IGSF9: variants seen among roughly 807,000 people sequenced by gnomAD.
The protein encoded by IGSF9 is immunoglobulin superfamily member 9.
In IGSF9, 87 loss-of-function variants were observed where a neutral mutation model predicts 121.7. The ratio of observed to expected loss-of-function variants is 0.71; its 90% CI spans 0.60 to 0.85. The LOEUF is 0.85. Among genes scored for constraint, IGSF9 ranks in the 40% least tolerant of loss-of-function variants. IGSF9 has a pLI of 0.00. For missense variants in IGSF9, 1,462 were observed against 1,565.3 expected (o/e 0.93, Z 1.11); for synonymous variants, 640 against 648.4 (o/e 0.99, Z 0.20).
chr1:159,944,815 G>T (rs1651531397), intron 1 of IGSF9, among the ~76,000 whole-genome samples: 1 of 152,098 alleles, frequency 6.6e-6, no homozygotes, highest in Non-Finnish European at 1.5e-5. Context: ...TAATGATCCT[G>T]TATGTCTAAC....
At chr1:159,934,353 G>A (rs1257427636) in intron 8 of IGSF9, 21 bp from the exon 9 acceptor site, 1 of 1,576,238 alleles carries the variant, frequency 6.3e-7, no homozygotes, top group Admixed American at 1.9e-5. Context: ...GTAGTGGCAA[G>A]TTGGGGGAGA....
intron 2 of IGSF9, 123 bp from the exon 3 acceptor site, chr1:159,943,274 C>A: frequency 7.6e-7 from 1 of 1,323,332 alleles, no homozygotes; most frequent in South Asian, 1.5e-5. Context: ...CCCAGTTCAG[C>A]TTCTCCAGAA....
rs374371774 is a variant in IGSF9 at position 159,934,149 on chromosome 1, C to T, written c.1104+41G>A. The T allele has an allele frequency of 3.3e-5, 53 of 1,582,614 alleles. No individual in the cohort carries two copies. In the South Asian group the frequency reaches 4.9e-4, roughly 15 times the overall value. On this transcript the variant is annotated intron_variant, in intron 9 of 20. Transcript: ENST00000368094. ...CACCCTGCTGTCCTGAGCAGAATAA[C>T]GCCAAGCTAAGACCCTCCTTCCCCT...
chr1:159,934,271 C>G lies in IGSF9; in HGVS notation c.1023G>C (p.Val341=). 6.2e-7 allele frequency: 1 copy of G among 1,613,506 alleles called. No homozygotes were observed. Among genetic ancestry groups the G allele is most frequent in the African/African-American group, 1.3e-5 (1 of 75,048 alleles). Residue 341 remains valine (V), a synonymous_variant, in exon 9 of 21, where the codon GTG becomes GTC. Coordinates refer to ENST00000368094, the MANE Select transcript of IGSF9 (RefSeq NM_001135050.2). The stretch of plus-strand genomic sequence containing the variant: ...GGTTGGCACGAACCGGGCAGCGGAT[C>G]ACCCCCGGCATGCCTATGGGCAGGG... ...ETPLPIGMPG[V]IRCPVRANPP...
Position 159,932,610 on chromosome 1 carries a change from C to A in IGSF9, c.1147G>T (p.Ala383Ser), listed in dbSNP as rs527258901. 1 of 1,613,732 alleles carries A rather than the reference C, an allele frequency of 6.2e-7. No individual in the cohort carries two copies. Among genetic ancestry groups the A allele is most frequent in the African/African-American group, 1.3e-5 (1 of 74,880 alleles). The change falls in exon 10 of 21, where the codon GCC becomes TCC. Residue 383 changes from alanine to serine, a missense_variant. Ala to Ser is a moderately conservative substitution (Grantham distance 99). Coordinates refer to ENST00000368094, the MANE Select transcript of IGSF9 (RefSeq NM_001135050.2). The surrounding 1 kb of genome is among the most constrained non-coding windows in gnomAD (Gnocchi z 4.1). ...CCCAGGGCATCCTCGTTCCCCAGGGCGATGATCAGTGAGCCTTCTGTGCCC... is the reference window on the plus strand; with the variant it reads ...CCCAGGGCATCCTCGTTCCCCAGGGAGATGATCAGTGAGCCTTCTGTGCCC... Reference protein sequence around the residue: ...SQGTEGSLIIALGNEDALGEY... With the variant: ...SQGTEGSLIISLGNEDALGEY...
rs771632078 is a variant in IGSF9 at position 159,931,229 on chromosome 1, C to T, written c.1546G>A (p.Val516Met). ...TSPHVVTNVSVVALPKGANVS... is the reference protein window; with the variant it reads ...TSPHVVTNVSMVALPKGANVS... Reference sequence around the variant, plus strand: ...TTGGCACCCTTGGGCAAAGCCACCACGGACACATTGGTGACAACATGAGGG... The same window carrying T: ...TTGGCACCCTTGGGCAAAGCCACCATGGACACATTGGTGACAACATGAGGG... The change falls in exon 13 of 21, where the codon GTG becomes ATG. Residue 516 changes from valine to methionine, a missense_variant. Coordinates refer to ENST00000368094, the MANE Select transcript of IGSF9 (RefSeq NM_001135050.2). This position sits in a 1 kb window ranked among gnomAD's most constrained non-coding sequence, Gnocchi z 4.8. The T allele has an allele frequency of 9.9e-6, 16 of 1,613,996 alleles. No individual in the cohort carries two copies. The Admixed American group carries it at 1.5e-4, about 15-fold the overall frequency.
intron 1 of IGSF9, among the ~76,000 whole-genome samples, chr1:159,945,198 C>T (rs1021131759): frequency 1.3e-5 from 2 of 151,860 alleles, no homozygotes; most frequent in Non-Finnish European, 2.9e-5. Context: ...GTCTCCCCAC[C>T]CCCCAGCCAC....
At chr1:159,929,453 ACTCT>A in intron 17 of IGSF9, 60 bp from the exon 18 acceptor site, 1 of 1,590,918 alleles carries the variant, frequency 6.3e-7, no homozygotes. Context: ...CTAGGCGGAG[ACTCT>A]CTCACCCAAC....
intron 3 of IGSF9, among the ~76,000 whole-genome samples, chr1:159,939,236 C>CT (rs941682739): frequency 2.6e-5 from 4 of 151,232 alleles, no homozygotes; most frequent in African/African-American, 7.3e-5. Flanking sequence ...ATGGAGCTTT[C>CT]TTTTTTTTTA....
chr1:159,929,113 C>T (rs1650875426), intron 18 of IGSF9, 95 bp from the exon 19 acceptor site: 1 of 1,440,232 alleles, frequency 6.9e-7, no homozygotes, highest in Admixed American at 2.4e-5. Flanking sequence ...AACAACAGAG[C>T]AGAGCTAGGA....
Position 159,943,468 on chromosome 1 carries a change from T to C in IGSF9, c.-14A>G. 6.4e-7 allele frequency: 1 copy of C among 1,550,844 alleles called. No individual in the cohort carries two copies. Among genetic ancestry groups the C allele is most frequent in the Non-Finnish European group, 8.7e-7 (1 of 1,148,268 alleles). On this transcript the variant is annotated 5_prime_UTR_variant, in exon 2 of 21. Transcript: ENST00000368094. ...GCACCACACCATAGCCCAGCTGGCCTGCTCACCCAGCCCCTCCTATCCACA... is the reference window on the plus strand; with the variant it reads ...GCACCACACCATAGCCCAGCTGGCCCGCTCACCCAGCCCCTCCTATCCACA...
Position 159,927,097 on chromosome 1 carries a change from C to CACACACAGAGAGAGAGAG in IGSF9, c.*247_*248insCTCTCTCTCTCTGTGTGT, listed in dbSNP as rs762782876. ...AACTTCACACACACACACACACACACAGAGAGAGAGAGAGAGAGAGAGAGA... is the reference window on the plus strand; with the variant it reads ...AACTTCACACACACACACACACACACACACACAGAGAGAGAGAGAGAGAGAGAGAGAGAGAGAGAGAGA... On this transcript the variant is annotated 3_prime_UTR_variant, in exon 21 of 21. Coordinates refer to ENST00000368094, the MANE Select transcript of IGSF9 (RefSeq NM_001135050.2). 1.1e-5 allele frequency: 4 copies of CACACACAGAGAGAGAGAG among 371,876 alleles called. No homozygotes were observed. The highest frequency in any genetic ancestry group is 7.2e-4 in the Middle Eastern group (1 of 1,384). 23.0% of individuals were successfully genotyped at this position (371,876 alleles called of 1,614,324 possible).
At position 159,932,426 on chromosome 1, in the gene IGSF9, C is replaced by T; in HGVS notation, c.1245+86G>A. ...AACCCCTCCCCATGTGTCTGCCCCA[C>T]CCCACCCCCATCAGCCTGGCCTTAG... On this transcript the variant is annotated intron_variant, in intron 10 of 20. Coordinates refer to ENST00000368094, the MANE Select transcript of IGSF9 (RefSeq NM_001135050.2). The surrounding 1 kb of genome is among the most constrained non-coding windows in gnomAD (Gnocchi z 4.1). 7.6e-7 allele frequency: 1 copy of T among 1,309,532 alleles called. No individual in the cohort carries two copies. The highest frequency in any genetic ancestry group is 1.1e-6 in the Non-Finnish European group (1 of 934,848). The allele number at this position is 1,309,532 out of a possible 1,614,324, so 81.1% of individuals were successfully genotyped here.
In IGSF9 at chr1:159,928,679, G is replaced by C. The variant is rs1211636398; in HGVS notation, c.2709C>G (p.Ile903Met). 1.4e-6 allele frequency: 2 copies of C among 1,480,220 alleles called. No homozygotes were observed. Among genetic ancestry groups the C allele is most frequent in the East Asian group, 4.8e-5 (2 of 41,686 alleles). 91.7% of individuals were successfully genotyped at this position (1,480,220 alleles called of 1,614,324 possible). A position where few individuals can be genotyped will look rare whatever the true frequency, so the allele number is the denominator to read the frequency against. Residue 903 changes from isoleucine to methionine, a missense_variant, in exon 19 of 21, where the codon ATC becomes ATG. By Grantham distance (10) the Ile-to-Met change is conservative. Transcript: ENST00000368094. The part of the protein sequence containing the change: ...GAPQPLCIED[I>M]SPVAPPPAAP... ...CTGCTGGAGGGGGTGCCACAGGGCT[G>C]ATGTCTTCAATGCAGAGGGGCTGGG...
intron 20 of IGSF9, 56 bp downstream of exon 20, chr1:159,927,703 CG>C: frequency 1.9e-6 from 3 of 1,590,542 alleles, no homozygotes; most frequent in Non-Finnish European, 2.6e-6. Flanking sequence ...CCTAAGGTGG[CG>C]GGGGGATGTG....
In IGSF9 at chr1:159,943,111, A is replaced by T. The variant is rs1663979176; in HGVS notation, c.99T>A (p.Ala33=). The change falls in exon 3 of 21, where the codon GCT becomes GCA. Residue 33 remains alanine, a synonymous_variant. Coordinates refer to ENST00000368094, the MANE Select transcript of IGSF9 (RefSeq NM_001135050.2). ...KPEVVSVVGR[A]GESVVLGCDL... Reference sequence around the variant, plus strand: ...CACAGCCCAGCACCACACTCTCCCCAGCCCGGCCCACCACCGATACCACCT... The same window carrying T: ...CACAGCCCAGCACCACACTCTCCCCTGCCCGGCCCACCACCGATACCACCT... 1 of 1,601,902 alleles carries T rather than the reference A, an allele frequency of 6.2e-7. No individual in the cohort carries two copies. The highest frequency in any genetic ancestry group is 8.5e-7 in the Non-Finnish European group (1 of 1,176,276).
Position 159,934,528 on chromosome 1 carries a change from C to G in IGSF9, c.858G>C (p.Leu286=). The change falls in exon 8 of 21, where the codon CTG becomes CTC. Residue 286 remains leucine (L), a synonymous_variant. Transcript: ENST00000368094. ...PRVRILVDGS[L]RLLATQPDDA... ...CATCAGGCTGGGTGGCCAGCAGCCG[C>G]AGGCTCCCGTCCACCAGGATCCGCA... 1 of 1,613,804 alleles carries G rather than the reference C, an allele frequency of 6.2e-7. No homozygotes were observed. The highest frequency in any genetic ancestry group is 1.3e-5 in the African/African-American group (1 of 75,030).
At chr1:159,927,937 A>C in intron 19 of IGSF9, 50 bp from the exon 20 acceptor site, 1 of 1,587,914 alleles carries the variant, frequency 6.3e-7, no homozygotes, top group Non-Finnish European at 8.6e-7. Context: ...GGAGGAATAG[A>C]GGCTGTTCAG....
At chr1:159,934,150 G>A (rs748152243) in intron 9 of IGSF9, 40 bp downstream of exon 9, 37 of 1,583,860 alleles carry the variant, frequency 2.3e-5, no homozygotes, top group African/African-American at 4.0e-5. Context: ...GCAGAATAAC[G>A]CCAAGCTAAG....
Sources: allele counts gnomAD v4.1 joint callset (sites outside exome capture counted in the v4.1 genomes callset), GRCh38; gene constraint gnomAD v4.1.1; non-coding constraint Gnocchi (gnomAD v3.1); transcripts MANE v1.5; gene names NCBI Gene and HGNC (gene_info 2026-07-23, HGNC 2026-07-21).